SYN3: variants seen among roughly 807,000 people sequenced by gnomAD.
SYN3 encodes the protein synapsin III, also known as synapsin-3.
Under a neutral mutation model 65.8 loss-of-function variants are expected in SYN3, and 35 were observed. That is an observed-to-expected ratio of 0.53 (90% confidence interval 0.41 to 0.70). The LOEUF (loss-of-function observed/expected upper bound fraction) is 0.70, where lower values mean the gene tolerates loss of function less well. Among genes scored for constraint, SYN3 ranks in the 30% least tolerant of loss-of-function variants. SYN3 has a pLI of 0.00. For missense variants in SYN3, 680 were observed against 749.0 expected (o/e 0.91, Z 1.08); for synonymous variants, 270 against 292.9 (o/e 0.92, Z 0.80).
chr22:32,736,759 A>C (rs2147367450), intron 6 of SYN3, among the ~76,000 whole-genome samples: 1 of 152,296 alleles, frequency 6.6e-6, no homozygotes, highest in African/African-American at 2.4e-5. Flanking sequence ...CAATTTGACC[A>C]GCATTATATT....
intron 7 of SYN3, among the ~76,000 whole-genome samples, chr22:32,591,053 A>G (rs895360288): frequency 2.6e-5 from 4 of 152,172 alleles, no homozygotes; most frequent in African/African-American, 9.7e-5. Context: ...AATCCTCACA[A>G]CCAGCTTACG....
At chr22:32,522,729 C>T (rs2146102178) in intron 12 of SYN3, among the ~76,000 whole-genome samples, 1 of 152,256 alleles carries the variant, frequency 6.6e-6, no homozygotes, top group South Asian at 2.1e-4. Flanking sequence ...GTGTCTGATG[C>T]CTTGCTAATT....
At chr22:32,704,762 G>A (rs1010346927) in intron 6 of SYN3, among the ~76,000 whole-genome samples, 3 of 152,194 alleles carry the variant, frequency 2.0e-5, no homozygotes, top group Non-Finnish European at 2.9e-5. Context: ...TCTGACTGAT[G>A]TCAGATGGTA....
chr22:32,514,574 A>C (rs190882960), intron 13 of SYN3: 1 of 152,326 alleles, frequency 6.6e-6, no homozygotes, highest in African/African-American at 2.4e-5. Context: ...CCCCTGTGCT[A>C]GGGGACAGGG....
intron 3 of SYN3, among the ~76,000 whole-genome samples, chr22:32,948,664 G>A (rs768438012): frequency 2.6e-5 from 4 of 152,052 alleles, no homozygotes; most frequent in South Asian, 2.1e-4. Context: ...GTGAACCTGC[G>A]AGGCGGAGCT....
chr22:32,563,522 T>G (rs1296214421), intron 7 of SYN3, among the ~76,000 whole-genome samples: 3 of 152,126 alleles, frequency 2.0e-5, no homozygotes, highest in African/African-American at 7.2e-5. Context: ...CCAGAGAACA[T>G]GGAACAGCCT....
At chr22:32,890,195 C>A (rs901020844) in intron 4 of SYN3, among the ~76,000 whole-genome samples, 5 of 150,476 alleles carry the variant, frequency 3.3e-5, no homozygotes, top group Non-Finnish European at 7.4e-5. Context: ...CCTCTCACCT[C>A]GGCCTCCCAA....
chr22:32,736,753 T>C (rs1423031795), intron 6 of SYN3, among the ~76,000 whole-genome samples: 1 of 152,136 alleles, frequency 6.6e-6, no homozygotes, highest in Non-Finnish European at 1.5e-5. Context: ...TGGAAACAAT[T>C]TGACCAGCAT....
At chr22:32,521,189 A>C (rs1372354574) in intron 12 of SYN3, among the ~76,000 whole-genome samples, 1 of 152,204 alleles carries the variant, frequency 6.6e-6, no homozygotes, top group Non-Finnish European at 1.5e-5. Flanking sequence ...AGATAAAAAC[A>C]GTCCAGAGAA....
intron 6 of SYN3, chr22:32,858,256 G>C (rs898718878): frequency 6.9e-7 from 1 of 1,458,080 alleles, no homozygotes. Context: ...CATGTGTTAG[G>C]CCAGGGCAGA....
chr22:32,883,743 C>A (rs2049209663), intron 4 of SYN3, among the ~76,000 whole-genome samples: 2 of 152,202 alleles, frequency 1.3e-5, no homozygotes, highest in African/African-American at 4.8e-5. Context: ...TGCACATTTA[C>A]TGAGCATCTA....
chr22:33,013,330 G>A (rs970532563), intron 1 of SYN3, among the ~76,000 whole-genome samples: 3 of 152,202 alleles, frequency 2.0e-5, no homozygotes, highest in Admixed American at 2.0e-4. Flanking sequence ...GTAAGTGCAA[G>A]TAAACAATAC....
intron 4 of SYN3, among the ~76,000 whole-genome samples, chr22:32,919,860 T>C (rs2050289428): frequency 6.6e-6 from 1 of 152,090 alleles, no homozygotes; most frequent in South Asian, 2.1e-4. Context: ...TAAGTCACAG[T>C]TTGCCCATCT....
rs1050970333 is a variant in SYN3, at chr22:32,590,398, C to T, written c.774+6276G>A. The stretch of plus-strand genomic sequence containing the variant: ...AGTTGTAGTTCATTAATTTTTATTG[C>T]TGAAAATATTCCATTTATATGAATA... On this transcript the variant is annotated intron_variant, in intron 7 of 13. Transcript: ENST00000358763. 2.0e-5 allele frequency among the ~76,000 whole-genome samples: 3 copies of T among 152,188 alleles called. No homozygotes were observed. The South Asian group carries it at 6.2e-4, about 32-fold the overall frequency.
At chr22:32,676,011 TC>T (rs1300631413) in intron 6 of SYN3, among the ~76,000 whole-genome samples, 5 of 152,252 alleles carry the variant, frequency 3.3e-5, no homozygotes, top group Non-Finnish European at 7.4e-5. Flanking sequence ...GTGTGGTCAA[TC>T]CCCTATCCAG....
At chr22:32,924,635 AT>A (rs1262309607) in intron 4 of SYN3, among the ~76,000 whole-genome samples, 1 of 152,240 alleles carries the variant, frequency 6.6e-6, no homozygotes, top group Non-Finnish European at 1.5e-5. Flanking sequence ...GAAGATCTGC[AT>A]TTTAACATGA....
chr22:32,707,090 T>G (rs2060890707), intron 6 of SYN3, among the ~76,000 whole-genome samples: 1 of 152,220 alleles, frequency 6.6e-6, no homozygotes, highest in South Asian at 2.1e-4. Context: ...TGAATTTTTC[T>G]CATGTGCATA....
intron 6 of SYN3, among the ~76,000 whole-genome samples, chr22:32,650,230 T>TCC (rs1433384193): frequency 7.5e-5 from 7 of 93,308 alleles, no homozygotes; most frequent in African/African-American, 3.4e-4. Context: ...TCTCTCTCTC[T>TCC]CTCCCTCCCT....
At chr22:32,760,028 C>G (rs1200123046) in intron 6 of SYN3, among the ~76,000 whole-genome samples, 1 of 50,906 alleles carries the variant, frequency 2.0e-5, no homozygotes, top group Non-Finnish European at 3.7e-5. Flanking sequence ...AGCCAGTACC[C>G]ACCCACCCCC....
Sources: gnomAD v4.1 joint callset for allele counts (sites outside exome capture counted in the v4.1 genomes callset) on GRCh38, gnomAD v4.1.1 for gene constraint, MANE v1.5 for transcripts, NCBI Gene and HGNC (gene_info 2026-07-23, HGNC 2026-07-21) for gene names.